CASZ1: variants seen among roughly 807,000 people sequenced by gnomAD.
CASZ1 encodes the protein castor zinc finger 1, also known as zinc finger protein castor homolog 1.
CASZ1 carries 28 observed loss-of-function variants against 135.2 expected under a neutral mutation model. The ratio of observed to expected loss-of-function variants is 0.21; its 90% CI spans 0.15 to 0.28. The LOEUF (loss-of-function observed/expected upper bound fraction) is 0.28, where lower values mean the gene tolerates loss of function less well. CASZ1 is among the 10% of genes least tolerant of loss of function. CASZ1 has a pLI of 1.00. For synonymous variants in CASZ1, 1,068 were observed against 1,073.4 expected (o/e 0.99, Z 0.10); for missense variants, 2,161 against 2,453.3 (o/e 0.88, Z 2.52).
intron 2 of CASZ1, among the ~76,000 whole-genome samples, chr1:10,730,200 T>C (rs1639678419): frequency 6.8e-6 from 1 of 147,130 alleles, no homozygotes. Context: ...AACCTCTGCC[T>C]CCCAGGTTCA....
intron 1 of CASZ1, among the ~76,000 whole-genome samples, chr1:10,784,546 C>A (rs1223305393): frequency 6.6e-6 from 1 of 152,070 alleles, no homozygotes; most frequent in African/African-American, 2.4e-5. Flanking sequence ...CCTCCCAGCC[C>A]AAGAGCTATT....
intron 2 of CASZ1, among the ~76,000 whole-genome samples, chr1:10,754,800 G>A (rs943458143): frequency 1.3e-5 from 2 of 152,328 alleles, no homozygotes; most frequent in African/African-American, 2.4e-5. Context: ...GACTTGAGTC[G>A]GTGAAGCTGA....
At position 10,659,981 on chromosome 1, in the gene CASZ1, T is replaced by C; in HGVS notation, c.1061A>G (p.Glu354Gly). 1.2e-6 allele frequency: 2 copies of C among 1,613,628 alleles called. No homozygotes were observed. The change falls in exon 6 of 21, where the codon GAG becomes GGG. Residue 354 changes from glutamate to glycine, a missense_variant. Glu to Gly is a moderately conservative substitution (Grantham distance 98). Around this residue, in one of 7 missense-constraint regions of CASZ1, gnomAD observed 590 missense variants for 609.8 expected, o/e 0.97. Coordinates refer to ENST00000377022, the MANE Select transcript of CASZ1 (RefSeq NM_001079843.3). ...GGCCCCGCCCATGTCGGGGCTGCCC[T>C]CCCCGGGTTTGAAGAGGTGCAGGTA... ...VKYLHLFKPG[E>G]GSPDMGGAIA...
intron 4 of CASZ1, among the ~76,000 whole-genome samples, chr1:10,669,872 G>A (rs1165698755): frequency 6.6e-6 from 1 of 152,212 alleles, no homozygotes; most frequent in East Asian, 1.9e-4. Flanking sequence ...CAGGCTCCGG[G>A]TGCTTTATGG....
Position 10,653,630 on chromosome 1 carries a change from C to T in CASZ1, c.2427G>A (p.Gly809=), listed in dbSNP as rs1481010511. Residue 809 remains glycine, a synonymous_variant, in exon 11 of 21, where the codon GGG becomes GGA. Transcript: ENST00000377022. ...TPYFPILAGR[G]STSLPVGTPS... ...GGGTGCCCACAGGCAGGGAGGTGCTCCCACGGCCAGCCAGTATGGGGAAGT... is the reference window on the plus strand; with the variant it reads ...GGGTGCCCACAGGCAGGGAGGTGCTTCCACGGCCAGCCAGTATGGGGAAGT... 1 of 1,549,934 alleles carries T rather than the reference C, an allele frequency of 6.5e-7. No individual in the cohort carries two copies. Among genetic ancestry groups the T allele is most frequent in the Admixed American group, 1.9e-5 (1 of 53,386 alleles).
chr1:10,668,094 G>A (rs1264447810), intron 4 of CASZ1, among the ~76,000 whole-genome samples: 8 of 152,312 alleles, frequency 5.3e-5, no homozygotes, highest in East Asian at 1.9e-4. Flanking sequence ...CGTGTGGGCC[G>A]GGGACACAGG....
At position 10,651,042 on chromosome 1, in the gene CASZ1, G is replaced by T. The variant is rs1642561782; in HGVS notation, c.2715C>A (p.Pro905=). The change falls in exon 12 of 21, where the codon CCC becomes CCA. Residue 905 remains proline, a synonymous_variant. Transcript: ENST00000377022. The stretch of plus-strand genomic sequence containing the variant: ...CGGGTTCCGGCTTCACTTGGGCCGG[G>T]GGGAACCTGGCTGGGGTGACCTGCT... ...SGQQVTPARF[P]PAQVKPEPGE... The T allele has an allele frequency of 6.4e-7, 1 of 1,551,148 alleles. No individual in the cohort carries two copies.
intron 2 of CASZ1, among the ~76,000 whole-genome samples, chr1:10,716,538 T>A (rs900679415): frequency 6.6e-6 from 1 of 152,204 alleles, no homozygotes; most frequent in African/African-American, 2.4e-5. Flanking sequence ...TGAGCCCCTG[T>A]GCTGAGCGTA....
intron 1 of CASZ1, among the ~76,000 whole-genome samples, chr1:10,787,667 G>A (rs1019701255): frequency 6.6e-6 from 1 of 151,674 alleles, no homozygotes; most frequent in African/African-American, 2.4e-5. Context: ...ACACACACAC[G>A]CATACACACA....
chr1:10,665,981 C>A (rs535560468), intron 4 of CASZ1, among the ~76,000 whole-genome samples: 10 of 152,266 alleles, frequency 6.6e-5, no homozygotes, highest in South Asian at 6.2e-4. Context: ...GCCGGCTATG[C>A]GGTCAGGCTG....
At chr1:10,746,903 C>T (rs572797364) in intron 2 of CASZ1, among the ~76,000 whole-genome samples, 31 of 152,372 alleles carry the variant, frequency 2.0e-4, no homozygotes, top group South Asian at 6.2e-4. Context: ...ACCTTCCCCA[C>T]TCCCAGGAGC....
rs927432479 is a variant in CASZ1 at position 10,705,515 on chromosome 1, C to T, written c.-47G>A. 3.3e-5 allele frequency: 5 copies of T among 152,382 alleles called. No homozygotes were observed. Among genetic ancestry groups the T allele is most frequent in the Admixed American group, 6.5e-5 (1 of 15,290 alleles). The allele number at this position is 152,382 out of a possible 1,614,324, so 9.4% of individuals were successfully genotyped here. A position where few individuals can be genotyped will look rare whatever the true frequency, so the allele number is the denominator to read the frequency against. On this transcript the variant is annotated 5_prime_UTR_variant, in exon 3 of 21. Transcript: ENST00000377022. Reference sequence around the variant, plus strand: ...ACCTCGTAGCAGGTCCTAGAACCTCCTCGGATGTAGCTGGGGGTGTCACTT... The same window carrying T: ...ACCTCGTAGCAGGTCCTAGAACCTCTTCGGATGTAGCTGGGGGTGTCACTT...
intron 3 of CASZ1, among the ~76,000 whole-genome samples, chr1:10,696,708 C>T (rs1638941514): frequency 6.6e-6 from 1 of 152,258 alleles, no homozygotes; most frequent in Admixed American, 6.5e-5. Flanking sequence ...GAGGTGATTT[C>T]TGGGTGCATT....
At position 10,717,381 on chromosome 1, in the gene CASZ1, GT is replaced by G. The variant is rs1168377452; in HGVS notation, c.-76-11838del. 6.6e-6 allele frequency among the ~76,000 whole-genome samples: 1 copy of G among 151,264 alleles called. No individual in the cohort carries two copies. Among genetic ancestry groups the G allele is most frequent in the Non-Finnish European group, 1.5e-5 (1 of 67,782 alleles). On this transcript the variant is annotated intron_variant, in intron 2 of 20. Transcript: ENST00000377022. The surrounding 1 kb of genome is among the most constrained non-coding windows in gnomAD (Gnocchi z 4.6). ...CTGGGGTGTTGGTGAGTTGTTGGAG[GT>G]TTTTTTTTCTTTTCTTTTCTTTTTT...
intron 2 of CASZ1, among the ~76,000 whole-genome samples, chr1:10,753,415 G>A (rs1640184987): frequency 6.6e-6 from 1 of 152,168 alleles, no homozygotes; most frequent in Non-Finnish European, 1.5e-5. Context: ...CACCTGCGGG[G>A]GTCCCCTCTC....
At chr1:10,689,066 G>A (rs1638684049) in intron 4 of CASZ1, among the ~76,000 whole-genome samples, 1 of 152,188 alleles carries the variant, frequency 6.6e-6, no homozygotes, top group Non-Finnish European at 1.5e-5. Flanking sequence ...GGAAGGCCGT[G>A]TTAGAAGGTG....
At chr1:10,664,107 G>A in intron 5 of CASZ1, among the ~76,000 whole-genome samples, 1 of 152,220 alleles carries the variant, frequency 6.6e-6, no homozygotes, top group East Asian at 1.9e-4. Context: ...CACTGATGTG[G>A]CGAAGGATAA....
At position 10,788,798 on chromosome 1, in the gene CASZ1, C is replaced by A. The variant is rs1282175423; in HGVS notation, c.-234+7766G>T. Among the ~76,000 whole-genome samples the A allele has an allele frequency of 6.6e-6, 1 of 152,176 alleles. No individual in the cohort carries two copies. Among genetic ancestry groups the A allele is most frequent in the African/African-American group, 2.4e-5 (1 of 41,448 alleles). ...GGAGCTGTGCCATGCCCTGGGCCAG[C>A]GCCCTCCCTCCTGTGTGCCAGGGCT... On this transcript the variant is annotated intron_variant, in intron 1 of 20. Coordinates refer to ENST00000377022, the MANE Select transcript of CASZ1 (RefSeq NM_001079843.3). This position sits in a 1 kb window ranked among gnomAD's most constrained non-coding sequence, Gnocchi z 4.1.
intron 1 of CASZ1, among the ~76,000 whole-genome samples, chr1:10,771,527 GAA>G (rs60225245): frequency 2.0e-5 from 3 of 151,218 alleles, no homozygotes; most frequent in East Asian, 1.9e-4. Flanking sequence ...AAGTGTAAGG[GAA>G]AAAAAAACAT....
Sources: allele counts gnomAD v4.1 joint callset (sites outside exome capture counted in the v4.1 genomes callset), GRCh38; gene constraint gnomAD v4.1.1; regional missense constraint gnomAD v4.1.1; non-coding constraint Gnocchi (gnomAD v3.1); transcripts MANE v1.5; gene names NCBI Gene and HGNC (gene_info 2026-07-23, HGNC 2026-07-21).